ASB3: variants seen among roughly 807,000 people sequenced by gnomAD.
The protein encoded by ASB3 is ankyrin repeat and SOCS box containing 3, also known as ankyrin repeat and SOCS box protein 3.
Under a neutral mutation model 54.5 loss-of-function variants are expected in ASB3, and 41 were observed. That is an observed-to-expected ratio of 0.75 (90% CI 0.59 to 0.98). The LOEUF (loss-of-function observed/expected upper bound fraction) is 0.98, where lower values mean the gene tolerates loss of function less well. Ranked by LOEUF, ASB3 falls within the 50% of genes least tolerant of loss-of-function variation. The pLI is 0.00. For missense variants in ASB3, 733 were observed against 620.0 expected (o/e 1.18, Z -1.94); for synonymous variants, 266 against 221.2 (o/e 1.20, Z -1.80).
chr2:53,727,785 G>A (rs1418853610), intron 5 of ASB3, among the ~76,000 whole-genome samples: 1 of 152,146 alleles, frequency 6.6e-6, no homozygotes, highest in Non-Finnish European at 1.5e-5. Flanking sequence ...GAGTGCAGTG[G>A]TACGATCTCA....
chr2:53,692,158 G>C (rs1284599549), intron 9 of ASB3, among the ~76,000 whole-genome samples: 1 of 152,064 alleles, frequency 6.6e-6, no homozygotes, highest in Non-Finnish European at 1.5e-5. Context: ...TGTCTACAGG[G>C]GGGGCAAAAA....
chr2:53,673,001 AG>A (rs1367145898), intron 9 of ASB3, among the ~76,000 whole-genome samples: 2 of 152,232 alleles, frequency 1.3e-5, no homozygotes, highest in Admixed American at 6.5e-5. Flanking sequence ...CGTAATAAAA[AG>A]TTTCAGAAAT....
chr2:53,723,038 A>T (rs759459405), intron 5 of ASB3, among the ~76,000 whole-genome samples: 1 of 152,182 alleles, frequency 6.6e-6, no homozygotes, highest in Non-Finnish European at 1.5e-5. Context: ...ATTTCTATAC[A>T]TCAACAATGT....
rs1408923829 is a variant in ASB3 at position 53,714,515 on chromosome 2, A to G, written c.849T>C (p.Pro283=). 6.2e-7 allele frequency: 1 copy of G among 1,614,120 alleles called. No individual in the cohort carries two copies. Among genetic ancestry groups the G allele is most frequent in the Non-Finnish European group, 8.5e-7 (1 of 1,180,032 alleles). ...GTCCCCCAAACACTGCTGAGTAAAC[A>G]GGGCTTACTTTGTTTAGCCCAGTGT... The part of the protein sequence containing the change: ...ACDTGLNKVS[P]VYSAVFGGHE... The change falls in exon 7 of 10, where the codon CCT becomes CCC. Residue 283 remains proline, a synonymous_variant. Coordinates refer to ENST00000263634, the MANE Select transcript of ASB3 (RefSeq NM_016115.5).
intron 9 of ASB3, among the ~76,000 whole-genome samples, chr2:53,678,978 C>A (rs1472418877): frequency 6.6e-6 from 1 of 152,046 alleles, no homozygotes; most frequent in Non-Finnish European, 1.5e-5. Context: ...GTTTGCTCTC[C>A]CTTATTGCCA....
At chr2:53,722,374 G>T (rs1169429814) in intron 5 of ASB3, among the ~76,000 whole-genome samples, 1 of 152,054 alleles carries the variant, frequency 6.6e-6, no homozygotes, top group Non-Finnish European at 1.5e-5. Context: ...ACACAATGAA[G>T]AAAGAAAAGT....
intron 9 of ASB3, among the ~76,000 whole-genome samples, chr2:53,686,876 C>G (rs1405616382): frequency 6.6e-6 from 1 of 152,104 alleles, no homozygotes; most frequent in Non-Finnish European, 1.5e-5. Context: ...CGCTTGCCAC[C>G]ACACCCGGCT....
intron 7 of ASB3, among the ~76,000 whole-genome samples, chr2:53,712,762 A>G (rs979646870): frequency 2.0e-5 from 3 of 152,094 alleles, no homozygotes; most frequent in Non-Finnish European, 4.4e-5. Flanking sequence ...ACACACACAC[A>G]CACACAGGCG....
Position 53,691,315 on chromosome 2 carries a change from G to C in ASB3, c.1369+2569C>G, listed in dbSNP as rs561501525. 4.6e-5 allele frequency among the ~76,000 whole-genome samples: 7 copies of C among 152,172 alleles called. No homozygotes were observed. The East Asian group carries it at 1.4e-3, about 29-fold the overall frequency. Reference sequence around the variant, plus strand: ...ACATGGCATCTCCAGGACTTGAAAAGGGCTCAAATAAAAAATGGGAGAAAA... The same window carrying C: ...ACATGGCATCTCCAGGACTTGAAAACGGCTCAAATAAAAAATGGGAGAAAA... On this transcript the variant is annotated intron_variant, in intron 9 of 9. Transcript: ENST00000263634.
chr2:53,715,509 A>G (rs1411729073), intron 6 of ASB3, among the ~76,000 whole-genome samples: 1 of 152,188 alleles, frequency 6.6e-6, no homozygotes, highest in African/African-American at 2.4e-5. Flanking sequence ...AGAATTCTCA[A>G]AATTGAGAAC....
chr2:53,684,452 C>T lies in ASB3; in HGVS notation c.1369+9432G>A, dbSNP rs3770413. On this transcript the variant is annotated intron_variant, in intron 9 of 9. Transcript: ENST00000263634. ...ATGAATAAAGGAGATTACCAGAATTCGATTTAGACGAACAGTTTTAGGATC... is the reference window on the plus strand; with the variant it reads ...ATGAATAAAGGAGATTACCAGAATTTGATTTAGACGAACAGTTTTAGGATC... Among the ~76,000 whole-genome samples the T allele has an allele frequency of 7.8e-4, 119 of 152,218 alleles. No individual in the cohort carries two copies. The East Asian group carries it at 0.02, about 26-fold the overall frequency.
chr2:53,715,965 G>A (rs1253850683), intron 6 of ASB3, among the ~76,000 whole-genome samples: 1 of 152,100 alleles, frequency 6.6e-6, no homozygotes, highest in African/African-American at 2.4e-5. Flanking sequence ...GCCAATTTAT[G>A]ATAGGTAGCC....
intron 9 of ASB3, among the ~76,000 whole-genome samples, chr2:53,680,085 T>C (rs1041936402): frequency 1.3e-5 from 2 of 152,228 alleles, no homozygotes; most frequent in Non-Finnish European, 2.9e-5. Context: ...ATTCTTTTTT[T>C]ATGGCTGCAT....
chr2:53,756,641 G>A (rs538752098), intron 2 of ASB3, among the ~76,000 whole-genome samples: 1 of 152,246 alleles, frequency 6.6e-6, no homozygotes, highest in East Asian at 1.9e-4. Flanking sequence ...AAAAGGCAGG[G>A]AACCCCCTTT....
rs186472667 is a variant in ASB3, at chr2:53,754,335, G to C, written c.197-3394C>G. On this transcript the variant is annotated intron_variant, in intron 2 of 9. Coordinates refer to ENST00000263634, the MANE Select transcript of ASB3 (RefSeq NM_016115.5). ...TAAAGACTACTCCATCAAGGAAGTA[G>C]AGTTTAATTCCCACTTCTGGAGTGC... 2.4e-3 allele frequency among the ~76,000 whole-genome samples: 366 copies of C among 152,236 alleles called. 1 individual carries two copies. Among genetic ancestry groups the C allele is most frequent in the Non-Finnish European group, 3.9e-3 (264 of 68,020 alleles).
At chr2:53,745,916 T>C (rs1457453801) in intron 3 of ASB3, among the ~76,000 whole-genome samples, 4 of 152,248 alleles carry the variant, frequency 2.6e-5, no homozygotes, top group African/African-American at 4.8e-5. Context: ...TGTAGTTTGA[T>C]ACAAACCTTG....
chr2:53,756,459 T>C (rs1452529945), intron 2 of ASB3, among the ~76,000 whole-genome samples: 2 of 152,228 alleles, frequency 1.3e-5, no homozygotes, highest in African/African-American at 4.8e-5. Flanking sequence ...ATTTTACATG[T>C]CAACTTGACT....
At chr2:53,687,521 G>A (rs115071648) in intron 9 of ASB3, among the ~76,000 whole-genome samples, 72 of 152,322 alleles carry the variant, frequency 4.7e-4, no homozygotes, top group African/African-American at 1.7e-3. Flanking sequence ...TGAATCTAGA[G>A]TTAAGAACTA....
At chr2:53,774,393 T>C (rs1251522329) in intron 1 of ASB3, 1 of 1,613,452 alleles carries the variant, frequency 6.2e-7, no homozygotes, top group Non-Finnish European at 8.5e-7. Context: ...GTGGAAGAAA[T>C]ACAGAATATC....
Sources: allele counts gnomAD v4.1 joint callset (sites outside exome capture counted in the v4.1 genomes callset), GRCh38; gene constraint gnomAD v4.1.1; transcripts MANE v1.5; gene names NCBI Gene and HGNC (gene_info 2026-07-23, HGNC 2026-07-21).